Variants in PLOD1 observed in about 807,000 individuals in gnomAD.
PLOD1 encodes the protein lysine hydroxylase.
PLOD1 carries 70 observed loss-of-function variants against 94.7 expected under a neutral mutation model. The observed-to-expected ratio is 0.74, with a 90% CI of 0.61 to 0.90. The LOEUF is 0.90. Among genes scored for constraint, PLOD1 ranks in the 40% least tolerant of loss-of-function variants. The pLI is 0.00. For synonymous variants in PLOD1, 417 were observed against 400.2 expected (o/e 1.04, Z -0.50); for missense variants, 905 against 972.7 (o/e 0.93, Z 0.93).
rs373429952 is a variant in PLOD1, at chr1:11,970,415, AG to A, written c.1756-254del. On this transcript the variant is annotated intron_variant, in intron 16 of 18. Coordinates refer to ENST00000196061, the MANE Select transcript of PLOD1 (RefSeq NM_000302.4). ...GCCACTGCGCTCTTACCTGTGCAAC[AG>A]AGGGATACCCTGTCTCAAAAAATAA... Among the ~76,000 whole-genome samples, 42 of 152,354 alleles carry A rather than the reference AG, an allele frequency of 2.8e-4. No individual in the cohort carries two copies. The East Asian group carries it at 5.0e-3, about 18-fold the overall frequency.
chr1:11,954,234 C>T (rs561224584), intron 5 of PLOD1: 9 of 205,190 alleles, frequency 4.4e-5, no homozygotes, highest in East Asian at 2.7e-4. Context: ...CTTTGGGAGG[C>T]GGGGGGCGGG....
intron 17 of PLOD1, chr1:11,971,452 A>G (rs1645863103): frequency 6.1e-6 from 1 of 163,936 alleles, no homozygotes. Flanking sequence ...AGGGCCGGCT[A>G]GTTGGCCTCT....
intron 2 of PLOD1, among the ~76,000 whole-genome samples, chr1:11,949,192 G>C (rs1645678711): frequency 6.6e-6 from 1 of 152,108 alleles, no homozygotes; most frequent in African/African-American, 2.4e-5. Flanking sequence ...AAGGCCTGCA[G>C]ACTGTTCTGT....
intron 3 of PLOD1, 69 bp downstream of exon 3, chr1:11,949,975 C>T (rs1365292286): frequency 1.7e-5 from 26 of 1,514,046 alleles, no homozygotes; most frequent in Non-Finnish European, 2.2e-5. Context: ...AAAATGAGGC[C>T]CTCCCAGAAC....
chr1:11,937,318 G>T (rs1645586724), intron 1 of PLOD1, among the ~76,000 whole-genome samples: 1 of 152,212 alleles, frequency 6.6e-6, no homozygotes, highest in Non-Finnish European at 1.5e-5. Context: ...TCCAGGGGAT[G>T]AAGTTGGGGA....
At chr1:11,962,130 A>G (rs887814361) in intron 10 of PLOD1, among the ~76,000 whole-genome samples, 2 of 151,434 alleles carry the variant, frequency 1.3e-5, no homozygotes, top group South Asian at 2.1e-4. Context: ...GGATCTTGCT[A>G]TGTTGCCCAG....
chr1:11,956,624 C>G (rs1434440307), intron 6 of PLOD1, among the ~76,000 whole-genome samples: 1 of 152,126 alleles, frequency 6.6e-6, no homozygotes, highest in East Asian at 1.9e-4. Context: ...TTCTCCCAGC[C>G]CCTGCTTCTG....
At chr1:11,960,120 T>C (rs1645767683) in intron 9 of PLOD1, among the ~76,000 whole-genome samples, 1 of 152,096 alleles carries the variant, frequency 6.6e-6, no homozygotes, top group African/African-American at 2.4e-5. Flanking sequence ...TACAAGTGCC[T>C]GCCACCATGC....
At chr1:11,969,375 C>G (rs1645845189) in intron 16 of PLOD1, among the ~76,000 whole-genome samples, 1 of 152,158 alleles carries the variant, frequency 6.6e-6, no homozygotes, top group Admixed American at 6.6e-5. Flanking sequence ...GACCTGTGTG[C>G]CAACCTCTGA....
At chr1:11,966,139 C>T (rs943812418) in intron 14 of PLOD1, 112 bp from the exon 15 acceptor site, 34 of 793,862 alleles carry the variant, frequency 4.3e-5, no homozygotes, top group African/African-American at 2.6e-4. Context: ...AGGTGAACAC[C>T]TGCCTCTGTC....
chr1:11,938,330 G>C (rs1645593862), intron 1 of PLOD1, among the ~76,000 whole-genome samples: 1 of 152,090 alleles, frequency 6.6e-6, no homozygotes, highest in African/African-American at 2.4e-5. Context: ...TTAAACATCT[G>C]GTCTCTCATT....
At chr1:11,944,422 TACACACAC>T (rs5772479) in intron 1 of PLOD1, 2,160 of 476,420 alleles carry the variant, frequency 4.5e-3, no homozygotes, top group East Asian at 8.7e-3. Context: ...CATGCACGCG[TACACACAC>T]ACACACACAC....
rs1306231973 is a variant in PLOD1, at chr1:11,975,126, A to G, written c.*318A>G. 4 of 420,952 alleles carry G rather than the reference A, an allele frequency of 9.5e-6. No individual in the cohort carries two copies. The highest frequency in any genetic ancestry group is 4.1e-5 in the African/African-American group (2 of 48,994). 26.1% of individuals were successfully genotyped at this position (420,952 alleles called of 1,614,324 possible). Reference sequence around the variant, plus strand: ...AAGGCCCCCTTCCCCCACCTCTTCCATGGGGTGAGACTTGAGCAGAACAGG... The same window carrying G: ...AAGGCCCCCTTCCCCCACCTCTTCCGTGGGGTGAGACTTGAGCAGAACAGG... On this transcript the variant is annotated 3_prime_UTR_variant, in exon 19 of 19. Coordinates refer to ENST00000196061, the MANE Select transcript of PLOD1 (RefSeq NM_000302.4).
chr1:11,954,354 C>A, intron 5 of PLOD1: 2 of 307,980 alleles, frequency 6.5e-6, no homozygotes, highest in Non-Finnish European at 6.4e-6. Context: ...GGTATGGTGG[C>A]ACATGCCCGT....
In PLOD1 at chr1:11,974,944, ATCAAAGAGAT is replaced by A. The variant is rs1024048548; in HGVS notation, c.*149_*158del. The A allele has an allele frequency of 1.5e-5, 13 of 849,532 alleles. No individual in the cohort carries two copies. Among genetic ancestry groups the A allele is most frequent in the Non-Finnish European group, 2.0e-5 (10 of 489,556 alleles). 52.6% of individuals were successfully genotyped at this position (849,532 alleles called of 1,614,324 possible). A position where few individuals can be genotyped will look rare whatever the true frequency, so the allele number is the denominator to read the frequency against. On this transcript the variant is annotated 3_prime_UTR_variant, in exon 19 of 19. Transcript: ENST00000196061. ...CTTCCCATTGCTCTTGGAGCCACCAATCAAAGAGATTCAAAGAGATTCCTGCAGGCCAGAG... is the reference window on the plus strand; with the variant it reads ...CTTCCCATTGCTCTTGGAGCCACCAATCAAAGAGATTCCTGCAGGCCAGAG...
rs143025860 is a variant in PLOD1 at position 11,946,507 on chromosome 1, T to C, written c.77-1469T>C. 4.3e-3 allele frequency among the ~76,000 whole-genome samples: 656 copies of C among 152,346 alleles called. 2 individuals are homozygous for C. The highest frequency in any genetic ancestry group is 0.015 in the African/African-American group (629 of 41,578). On this transcript the variant is annotated intron_variant, in intron 1 of 18. Transcript: ENST00000196061. ...GTTGGGAGAATCTAGAGCCATGTGA[T>C]ACTCAGCAAGAAAGACTGTGAGATA...
At position 11,952,486 on chromosome 1, in the gene PLOD1, A is replaced by G. The variant is rs1645709824; in HGVS notation, c.467-137A>G. 5.6e-6 allele frequency: 4 copies of G among 708,600 alleles called. No homozygotes were observed. In the South Asian group the frequency reaches 5.9e-5, roughly 10 times the overall value. 43.9% of individuals were successfully genotyped at this position (708,600 alleles called of 1,614,324 possible). On this transcript the variant is annotated intron_variant, in intron 4 of 18. Transcript: ENST00000196061. ...CTGCAGCCCCACCTCCTGTCAATTCAGGAGGACTTCTGAGAGGTGACAGGG... is the reference window on the plus strand; with the variant it reads ...CTGCAGCCCCACCTCCTGTCAATTCGGGAGGACTTCTGAGAGGTGACAGGG...
Position 11,964,764 on chromosome 1 carries a change from C to T in PLOD1, c.1449C>T (p.Phe483=). Residue 483 remains phenylalanine (F), a synonymous_variant, in exon 13 of 19, where the codon TTC becomes TTT. Transcript: ENST00000196061. The part of the protein sequence containing the change: ...HHSKLDPDMA[F]CANIRQQDVF... ...GCAAGCTGGACCCCGACATGGCCTT[C>T]TGTGCCAACATCCGGCAGCAGGTCA... The T allele has an allele frequency of 6.2e-7, 1 of 1,613,718 alleles. No individual in the cohort carries two copies. Among genetic ancestry groups the T allele is most frequent in the Non-Finnish European group, 8.5e-7 (1 of 1,180,046 alleles).
intron 6 of PLOD1, 60 bp downstream of exon 6, chr1:11,954,953 C>G (rs1483595188): frequency 1.7e-5 from 22 of 1,325,728 alleles, no homozygotes; most frequent in African/African-American, 2.9e-5. Flanking sequence ...GAATTCCAGG[C>G]AGGGCCCGAG....
Sources: gnomAD v4.1 joint callset for allele counts (sites outside exome capture counted in the v4.1 genomes callset) on GRCh38, gnomAD v4.1.1 for gene constraint, MANE v1.5 for transcripts, NCBI Gene and HGNC (gene_info 2026-07-23, HGNC 2026-07-21) for gene names.